The following TMEM45A variants were observed in gnomAD, a reference collection of about 807,000 sequenced individuals.
The protein encoded by TMEM45A is DNA polymerase-transactivated protein 4.
A neutral mutation model predicts 32.0 loss-of-function variants in TMEM45A; 25 were observed. The ratio of observed to expected loss-of-function variants is 0.78; its 90% confidence interval spans 0.57 to 1.09. The LOEUF is 1.09. Ranked by LOEUF, TMEM45A falls within the 50% of genes least tolerant of loss-of-function variation. The pLI, the probability that TMEM45A is intolerant of heterozygous loss-of-function variation, is 0.00. For synonymous variants in TMEM45A, 122 were observed against 114.8 expected, an observed-to-expected ratio of 1.06 and a Z score of -0.40; for missense variants, 302 against 325.0, an observed-to-expected ratio of 0.93 and a Z score of 0.54.
At position 100,576,990 on chromosome 3, in the gene TMEM45A, G is replaced by A. The variant is rs201066091; in HGVS notation, c.800G>A (p.Arg267Gln). ...SEVGLLKNAE[R>Q]EQESEEEM ...GTTGGACTTCTGAAAAATGCTGAAC[G>A]AGAACAAGAATCAGAAGAAGAAATG... The change falls in exon 6 of 6, where the codon CGA becomes CAA. Residue 267 changes from arginine to glutamine, a missense_variant. Arg to Gln is a conservative substitution (Grantham distance 43). Transcript: ENST00000323523. 89 of 1,613,402 alleles carry A rather than the reference G, an allele frequency of 5.5e-5. 1 individual carries two copies. The African/African-American group carries it at 9.7e-4, about 18-fold the overall frequency.
At chr3:100,494,722 G>C (rs1357430947) in intron 1 of TMEM45A, among the ~76,000 whole-genome samples, 3 of 152,186 alleles carry the variant, frequency 2.0e-5, no homozygotes, top group Non-Finnish European at 4.4e-5. Context: ...CAGGGAAGCA[G>C]GCTTAGAAGG....
intron 1 of TMEM45A, among the ~76,000 whole-genome samples, chr3:100,532,869 C>T (rs1173825750): frequency 6.6e-6 from 1 of 152,148 alleles, no homozygotes; most frequent in Admixed American, 6.5e-5. Flanking sequence ...CAAGAGGATG[C>T]TATGCAGCTC....
chr3:100,520,193 A>G (rs1181148645), intron 1 of TMEM45A, among the ~76,000 whole-genome samples: 2 of 152,200 alleles, frequency 1.3e-5, no homozygotes, highest in African/African-American at 4.8e-5. Context: ...ATAAAGCAGG[A>G]AAAGAGGGTA....
intron 1 of TMEM45A, among the ~76,000 whole-genome samples, chr3:100,499,314 T>C (rs959115978): frequency 6.6e-6 from 1 of 152,212 alleles, no homozygotes; most frequent in Admixed American, 6.5e-5. Context: ...TCTGAGAATT[T>C]TATAGTTTTA....
intron 5 of TMEM45A, chr3:100,572,317 T>C (rs1261938140): frequency 4.6e-5 from 7 of 151,976 alleles, no homozygotes; most frequent in Non-Finnish European, 8.8e-5. Context: ...TGGTATCTCA[T>C]TGTGGTTTTG....
intron 1 of TMEM45A, among the ~76,000 whole-genome samples, chr3:100,535,314 A>T (rs1705722627): frequency 6.6e-6 from 1 of 152,128 alleles, no homozygotes; most frequent in Non-Finnish European, 1.5e-5. Flanking sequence ...GGGTTTCACC[A>T]TGTTGGCCAG....
At chr3:100,569,144 G>T (rs2148994942) in intron 5 of TMEM45A, among the ~76,000 whole-genome samples, 177 bp downstream of exon 5, 1 of 152,288 alleles carries the variant, frequency 6.6e-6, no homozygotes, top group African/African-American at 2.4e-5. Flanking sequence ...AAGAATAAAT[G>T]CTGGTTTAAA....
chr3:100,577,180 C>A lies in TMEM45A; in HGVS notation c.*162C>A, dbSNP rs893369206. Reference sequence around the variant, plus strand: ...TAAAGTATTTGAATTTAAATATTTTCTTTTTAGCTTTGAAAATATTTTGGG... The same window carrying A: ...TAAAGTATTTGAATTTAAATATTTTATTTTTAGCTTTGAAAATATTTTGGG... On this transcript the variant is annotated 3_prime_UTR_variant, in exon 6 of 6. Coordinates refer to ENST00000323523, the MANE Select transcript of TMEM45A (RefSeq NM_018004.3). 4 of 551,044 alleles carry A rather than the reference C, an allele frequency of 7.3e-6. No homozygotes were observed. Among genetic ancestry groups the A allele is most frequent in the Non-Finnish European group, 1.2e-5 (4 of 326,238 alleles). The allele number at this position is 551,044 out of a possible 1,614,324, so 34.1% of individuals were successfully genotyped here. A position where few individuals can be genotyped will look rare whatever the true frequency, so the allele number is the denominator to read the frequency against.
intron 1 of TMEM45A, among the ~76,000 whole-genome samples, chr3:100,497,986 C>A (rs1707954790): frequency 6.6e-6 from 1 of 152,156 alleles, no homozygotes; most frequent in African/African-American, 2.4e-5. Flanking sequence ...AAATTGTAAT[C>A]CCCATAATCC....
chr3:100,500,634 G>T (rs577876201), intron 1 of TMEM45A, among the ~76,000 whole-genome samples: 19 of 152,238 alleles, frequency 1.2e-4, no homozygotes, highest in African/African-American at 4.1e-4. Flanking sequence ...ATCCTTTCCC[G>T]CATCCACCCA....
intron 5 of TMEM45A, 131 bp downstream of exon 5, chr3:100,569,098 A>G (rs1706503679): frequency 3.1e-6 from 3 of 959,278 alleles, no homozygotes; most frequent in Non-Finnish European, 4.5e-6. Context: ...GTAGCATAGC[A>G]GAACATTATC....
chr3:100,519,579 GA>G (rs769132963), intron 1 of TMEM45A: 2 of 1,551,050 alleles, frequency 1.3e-6, no homozygotes, highest in Non-Finnish European at 1.7e-6. Context: ...CAATGACTCA[GA>G]AGGGAAAATG....
chr3:100,517,800 T>C (rs1576265616), intron 1 of TMEM45A, among the ~76,000 whole-genome samples: 1 of 152,214 alleles, frequency 6.6e-6, no homozygotes, highest in Non-Finnish European at 1.5e-5. Context: ...TTAGCTTAAT[T>C]AGCTGAGCAT....
intron 1 of TMEM45A, among the ~76,000 whole-genome samples, chr3:100,553,167 C>T (rs1706142593): frequency 6.6e-6 from 1 of 152,040 alleles, no homozygotes; most frequent in African/African-American, 2.4e-5. Context: ...GTTATTTGTC[C>T]CATTTTACAG....
intron 1 of TMEM45A, among the ~76,000 whole-genome samples, chr3:100,524,563 A>G (rs544431248): frequency 1.3e-5 from 2 of 152,130 alleles, no homozygotes; most frequent in Non-Finnish European, 2.9e-5. Context: ...ACATGTGGCT[A>G]TTGAACAACT....
chr3:100,524,182 C>T (rs149898840), intron 1 of TMEM45A, among the ~76,000 whole-genome samples: 2,122 of 152,238 alleles, frequency 0.014, 19 homozygotes, highest in Admixed American at 0.023. Flanking sequence ...TCTGTGAGTG[C>T]GGGAGGATGG....
chr3:100,572,974 A>C (rs1179280035), intron 5 of TMEM45A: 1 of 151,748 alleles, frequency 6.6e-6, no homozygotes, highest in Non-Finnish European at 1.5e-5. Context: ...CTGTTTTGGT[A>C]CCAGTACCAT....
intron 4 of TMEM45A, among the ~76,000 whole-genome samples, chr3:100,568,133 A>T (rs1462764886): frequency 6.6e-6 from 1 of 152,156 alleles, no homozygotes; most frequent in African/African-American, 2.4e-5. Flanking sequence ...TTTGTACAGA[A>T]ATACAACTGT....
Position 100,549,837 on chromosome 3 carries a change from C to T in TMEM45A, c.-3-5372C>T, listed in dbSNP as rs549374858. Among the ~76,000 whole-genome samples, 69 of 151,706 alleles carry T rather than the reference C, an allele frequency of 4.5e-4. No individual in the cohort carries two copies. The East Asian group carries it at 7.0e-3, about 15-fold the overall frequency. On this transcript the variant is annotated intron_variant, in intron 1 of 5. Coordinates refer to ENST00000323523, the MANE Select transcript of TMEM45A (RefSeq NM_018004.3). ...TGCGGTGTTTGGTTTTTTGTTCTTGCGATAGTTTACTGAGAATGATGGTTT... is the reference window on the plus strand; with the variant it reads ...TGCGGTGTTTGGTTTTTTGTTCTTGTGATAGTTTACTGAGAATGATGGTTT...
Sources: allele counts gnomAD v4.1 joint callset (sites outside exome capture counted in the v4.1 genomes callset), GRCh38; gene constraint gnomAD v4.1.1; transcripts MANE v1.5; gene names NCBI Gene and HGNC (gene_info 2026-07-23, HGNC 2026-07-21).